Variants in LYNX1 observed in about 807,000 individuals in gnomAD.
LYNX1 encodes Ly6/neurotoxin 1.
A neutral mutation model predicts 8.3 loss-of-function variants in LYNX1; 8 were observed. The ratio of observed to expected loss-of-function variants is 0.97; its 90% confidence interval spans 0.57 to 1.74. The LOEUF (loss-of-function observed/expected upper bound fraction) is 1.74, where lower values mean the gene tolerates loss of function less well. Ranked by LOEUF, LYNX1 falls within the 40% of genes most tolerant of loss-of-function variation. The pLI is 0.00. For missense variants in LYNX1, 158 were observed against 159.7 expected (o/e 0.99, Z 0.06); for synonymous variants, 73 against 67.9 (o/e 1.08, Z -0.37).
In LYNX1 at chr8:142,772,176, G is replaced by C. The variant is rs985437670; in HGVS notation, c.*2991C>G. On this transcript the variant is annotated 3_prime_UTR_variant, in exon 4 of 4. Transcript: ENST00000652477. ...CCAAGCAGCCACTCCTGAGTCACTC[G>C]GGCATGTCCAGGACTCAGGTCCACA... 6.1e-5 allele frequency: 60 copies of C among 985,988 alleles called. No individual in the cohort carries two copies. The highest frequency in any genetic ancestry group is 7.1e-5 in the Non-Finnish European group (59 of 830,118). The allele number at this position is 985,988 out of a possible 1,614,324, so 61.1% of individuals were successfully genotyped here.
At position 142,775,520 on chromosome 8, in the gene LYNX1, G is replaced by T. The variant is rs587673561; in HGVS notation, c.154+73C>A. 10 of 1,551,770 alleles carry T rather than the reference G, an allele frequency of 6.4e-6. No individual in the cohort carries two copies. The East Asian group carries it at 1.9e-4, about 30-fold the overall frequency. ...GAGAGCCTCCTTCCTCAGGACCCCC[G>T]CATGCTCAGGGGCAGGGCAGAACCT... is the stretch of plus-strand genomic sequence containing the variant. On this transcript the variant is annotated intron_variant, in intron 3 of 3. Transcript: ENST00000652477.
Position 142,771,755 on chromosome 8 carries a change from T to G in LYNX1, c.*3412A>C. 1.0e-6 allele frequency: 1 copy of G among 985,812 alleles called. No individual in the cohort carries two copies. Among genetic ancestry groups the G allele is most frequent in the Non-Finnish European group, 1.2e-6 (1 of 829,934 alleles). The allele number at this position is 985,812 out of a possible 1,614,324, so 61.1% of individuals were successfully genotyped here. A position where few individuals can be genotyped will look rare whatever the true frequency, so the allele number is the denominator to read the frequency against. On this transcript the variant is annotated 3_prime_UTR_variant, in exon 4 of 4. Coordinates refer to ENST00000652477, the MANE Select transcript of LYNX1 (RefSeq NM_177477.4). ...TGAACCAAATCGCCTTCATGAGAGATGACGAATCAGATGCTACATAGTGGG... is the reference window on the plus strand; with the variant it reads ...TGAACCAAATCGCCTTCATGAGAGAGGACGAATCAGATGCTACATAGTGGG...
At chr8:142,775,552 C>T (rs768351481) in intron 3 of LYNX1, 41 bp downstream of exon 3, 86 of 1,560,412 alleles carry the variant, frequency 5.5e-5, no homozygotes, top group South Asian at 9.4e-5. Context: ...ACCTCCCCTT[C>T]GTGCTCCCCA....
Position 142,773,159 on chromosome 8 carries a change from C to T in LYNX1, c.*2008G>A. On this transcript the variant is annotated 3_prime_UTR_variant, in exon 4 of 4. Coordinates refer to ENST00000652477, the MANE Select transcript of LYNX1 (RefSeq NM_177477.4). ...CCAGCCTCTCCCAAGGACTTAGGAG[C>T]CCAAAGCCGCCTCCCTCCCGGTAAG... 1 of 985,638 alleles carries T rather than the reference C, an allele frequency of 1.0e-6. No individual in the cohort carries two copies. Among genetic ancestry groups the T allele is most frequent in the Non-Finnish European group, 1.2e-6 (1 of 830,072 alleles). 61.1% of individuals were successfully genotyped at this position (985,638 alleles called of 1,614,324 possible). A position where few individuals can be genotyped will look rare whatever the true frequency, so the allele number is the denominator to read the frequency against.
chr8:142,777,707 C>T (rs1378349967), upstream of LYNX1: 9 of 397,342 alleles, frequency 2.3e-5, no homozygotes, highest in Non-Finnish European at 4.0e-5. Context: ...GCATCTGGAT[C>T]TCCGACACAG....
chr8:142,775,205 C>A lies in LYNX1; in HGVS notation c.313G>T (p.Ala105Ser). 6.2e-7 allele frequency: 1 copy of A among 1,612,682 alleles called. No individual in the cohort carries two copies. Among genetic ancestry groups the A allele is most frequent in the Non-Finnish European group, 8.5e-7 (1 of 1,179,528 alleles). Residue 105 changes from alanine to serine, a missense_variant, in exon 4 of 4, where the codon GCC becomes TCC. Coordinates refer to ENST00000652477, the MANE Select transcript of LYNX1 (RefSeq NM_177477.4). ...CAGAGGGTGGCCAGGAGGATGGGGG[C>A]CAGGGCCAGGGTGGCCGGGGTGGCA... ...GLATPATLAL[A>S]PILLATLWGL...
At chr8:142,775,510 C>T in intron 3 of LYNX1, 83 bp downstream of exon 3, 1 of 1,554,854 alleles carries the variant, frequency 6.4e-7, no homozygotes, top group South Asian at 1.2e-5. Flanking sequence ...CCTCCTTCCT[C>T]AGGACCCCCG....
chr8:142,771,483 C>G lies in LYNX1; in HGVS notation c.*3684G>C. ...CAGGGCTGTCCACAGGGAGGACCCCCGTGTGTCTCTCGGGCTGCCCAGGTG... is the reference window on the plus strand; with the variant it reads ...CAGGGCTGTCCACAGGGAGGACCCCGGTGTGTCTCTCGGGCTGCCCAGGTG... On this transcript the variant is annotated 3_prime_UTR_variant, in exon 4 of 4. Transcript: ENST00000652477. The G allele has an allele frequency of 1.0e-6, 1 of 985,380 alleles. No homozygotes were observed. Among genetic ancestry groups the G allele is most frequent in the Non-Finnish European group, 1.2e-6 (1 of 829,946 alleles). The allele number at this position is 985,380 out of a possible 1,614,324, so 61.0% of individuals were successfully genotyped here. A position where few individuals can be genotyped will look rare whatever the true frequency, so the allele number is the denominator to read the frequency against.
In LYNX1 at chr8:142,774,925, C is replaced by T. The variant is rs587769173; in HGVS notation, c.*242G>A. The T allele has an allele frequency of 1.3e-5, 19 of 1,415,376 alleles. No homozygotes were observed. In the East Asian group the frequency reaches 4.6e-4, roughly 34 times the overall value. 87.7% of individuals were successfully genotyped at this position (1,415,376 alleles called of 1,614,324 possible). ...TAAATAGCCCTGGACAGGCGAGGGGCTGATCAGCCCATCAAAGCCGGACAC... is the reference window on the plus strand; with the variant it reads ...TAAATAGCCCTGGACAGGCGAGGGGTTGATCAGCCCATCAAAGCCGGACAC... On this transcript the variant is annotated 3_prime_UTR_variant, in exon 4 of 4. Transcript: ENST00000652477.
upstream of LYNX1, chr8:142,777,232 C>T (rs1815458810): frequency 1.3e-5 from 2 of 154,876 alleles, no homozygotes; most frequent in African/African-American, 4.8e-5. Flanking sequence ...TGCCGCATCG[C>T]CTGATGCTCA....
In LYNX1 at chr8:142,774,653, C is replaced by T. The variant is rs1815327064; in HGVS notation, c.*514G>A. 4.0e-6 allele frequency: 4 copies of T among 987,742 alleles called. No individual in the cohort carries two copies. The highest frequency in any genetic ancestry group is 4.8e-6 in the Non-Finnish European group (4 of 831,518). The allele number at this position is 987,742 out of a possible 1,614,324, so 61.2% of individuals were successfully genotyped here. A position where few individuals can be genotyped will look rare whatever the true frequency, so the allele number is the denominator to read the frequency against. ...GGGCCGGTGCCAAAGGCCCTCCTCC[C>T]ACAGCCCTGATCCCGTACCGGTCCT... On this transcript the variant is annotated 3_prime_UTR_variant, in exon 4 of 4. Coordinates refer to ENST00000652477, the MANE Select transcript of LYNX1 (RefSeq NM_177477.4).
rs1563839538 is a variant in LYNX1 at position 142,775,148 on chromosome 8, T to C, written c.*19A>G. 4 of 1,604,850 alleles carry C rather than the reference T, an allele frequency of 2.5e-6. No individual in the cohort carries two copies. Among genetic ancestry groups the C allele is most frequent in the Non-Finnish European group, 3.4e-6 (4 of 1,176,242 alleles). ...GTGTCTCGAGAGCTTTGTTCTTGAG[T>C]GGGTCTGCCTCGGGGGCTTTAGAGG... On this transcript the variant is annotated 3_prime_UTR_variant, in exon 4 of 4. Coordinates refer to ENST00000652477, the MANE Select transcript of LYNX1 (RefSeq NM_177477.4).
Position 142,774,427 on chromosome 8 carries a change from G to A in LYNX1, c.*740C>T, listed in dbSNP as rs2130109068. 1 of 985,940 alleles carries A rather than the reference G, an allele frequency of 1.0e-6. No individual in the cohort carries two copies. The highest frequency in any genetic ancestry group is 1.2e-6 in the Non-Finnish European group (1 of 830,188). The allele number at this position is 985,940 out of a possible 1,614,324, so 61.1% of individuals were successfully genotyped here. ...ACCCACCAAATATAGCATGGCCCTAGCTCCTGCCAGCTTCAGGCCTGGTGC... is the reference window on the plus strand; with the variant it reads ...ACCCACCAAATATAGCATGGCCCTAACTCCTGCCAGCTTCAGGCCTGGTGC... On this transcript the variant is annotated 3_prime_UTR_variant, in exon 4 of 4. Coordinates refer to ENST00000652477, the MANE Select transcript of LYNX1 (RefSeq NM_177477.4).
Position 142,773,491 on chromosome 8 carries a change from C to T in LYNX1, c.*1676G>A. On this transcript the variant is annotated 3_prime_UTR_variant, in exon 4 of 4. Coordinates refer to ENST00000652477, the MANE Select transcript of LYNX1 (RefSeq NM_177477.4). ...CCGGGCCCGTTCCCACCCAAGGTCC[C>T]TTTGCAGAAGACTGGCACTGTCCTC... 2.0e-6 allele frequency: 2 copies of T among 985,550 alleles called. No homozygotes were observed. The highest frequency in any genetic ancestry group is 4.7e-5 in the South Asian group (1 of 21,286). The allele number at this position is 985,550 out of a possible 1,614,324, so 61.1% of individuals were successfully genotyped here.
Position 142,772,810 on chromosome 8 carries a change from C to CTCTA in LYNX1, c.*2353_*2356dup. 6 of 985,760 alleles carry CTCTA rather than the reference C, an allele frequency of 6.1e-6. No individual in the cohort carries two copies. Among genetic ancestry groups the CTCTA allele is most frequent in the Non-Finnish European group, 7.2e-6 (6 of 830,160 alleles). The allele number at this position is 985,760 out of a possible 1,614,324, so 61.1% of individuals were successfully genotyped here. ...GCATTAGCTGAGTGCCTTCTGTGTG[C>CTCTA]TCTACGCCAGGTGCCAAGGGCAGGC... is the stretch of plus-strand genomic sequence containing the variant. On this transcript the variant is annotated 3_prime_UTR_variant, in exon 4 of 4. Transcript: ENST00000652477.
chr8:142,771,270 G>T lies in LYNX1; in HGVS notation c.*3897C>A, dbSNP rs587718998. ...GACGCTGGTTAGGGTAAGGGTTAGG[G>T]CAAGCATTAGCAGCAGGGGCATGGC... is the stretch of plus-strand genomic sequence containing the variant. On this transcript the variant is annotated 3_prime_UTR_variant, in exon 4 of 4. Transcript: ENST00000652477. The T allele has an allele frequency of 6.1e-6, 6 of 985,380 alleles. No homozygotes were observed. In the African/African-American group the frequency reaches 8.7e-5, roughly 14 times the overall value. The allele number at this position is 985,380 out of a possible 1,614,324, so 61.0% of individuals were successfully genotyped here. A position where few individuals can be genotyped will look rare whatever the true frequency, so the allele number is the denominator to read the frequency against.
chr8:142,775,865 A>C (rs993369040), intron 2 of LYNX1, 41 bp downstream of exon 2: 1 of 1,612,672 alleles, frequency 6.2e-7, no homozygotes, highest in African/African-American at 1.3e-5. Flanking sequence ...ATCTGCCCTC[A>C]AAGTGGGTCT....
chr8:142,773,819 A>T lies in LYNX1; in HGVS notation c.*1348T>A, dbSNP rs1453084878. On this transcript the variant is annotated 3_prime_UTR_variant, in exon 4 of 4. Transcript: ENST00000652477. ...CATCCTGCCCATGCGGGATGGCTTG[A>T]AGGGTTTCTCAGGACACCAGAGCTG... 2.0e-6 allele frequency: 2 copies of T among 985,114 alleles called. No homozygotes were observed. The highest frequency in any genetic ancestry group is 2.3e-4 in the East Asian group (2 of 8,764). 61.0% of individuals were successfully genotyped at this position (985,114 alleles called of 1,614,324 possible).
chr8:142,774,145 G>GCCCAGGGCC lies in LYNX1; in HGVS notation c.*1021_*1022insGGCCCTGGG. On this transcript the variant is annotated 3_prime_UTR_variant, in exon 4 of 4. Transcript: ENST00000652477. ...GCTGCGGGGGAGGGGCTGGGTCTCC[G>GCCCAGGGCC]CCCTCCCCACCCCACCCTCCCCACT... 1.0e-6 allele frequency: 1 copy of GCCCAGGGCC among 981,850 alleles called. No individual in the cohort carries two copies. Among genetic ancestry groups the GCCCAGGGCC allele is most frequent in the Non-Finnish European group, 1.2e-6 (1 of 827,984 alleles). The allele number at this position is 981,850 out of a possible 1,614,324, so 60.8% of individuals were successfully genotyped here.
Sources: allele counts gnomAD v4.1 joint callset, GRCh38; gene constraint gnomAD v4.1.1; transcripts MANE v1.5; gene names NCBI Gene and HGNC (gene_info 2026-07-23, HGNC 2026-07-21).